KLHL4: variants seen among roughly 807,000 people sequenced by gnomAD.
The protein encoded by KLHL4 is kelch like family member 4.
Under a neutral mutation model 45.8 loss-of-function variants are expected in KLHL4, and 17 were observed. That is an observed-to-expected ratio of 0.37 (90% confidence interval 0.25 to 0.56). The LOEUF (loss-of-function observed/expected upper bound fraction) is 0.56. KLHL4 is among the 20% of genes least tolerant of loss of function. The pLI is 0.79. For synonymous variants in KLHL4, 224 were observed against 189.9 expected (o/e 1.18, Z -1.47); for missense variants, 544 against 544.9 (o/e 1.00, Z 0.02).
At chrX:87,588,324 C>A (rs1242533572) in intron 1 of KLHL4, among the ~76,000 whole-genome samples, 1 of 111,775 alleles carries the variant, frequency 8.9e-6, no homozygotes, top group Non-Finnish European at 1.9e-5. Context: ...CCACTACAGA[C>A]CCTGAATAGC....
At chrX:87,636,236 C>T (rs1483104525) in intron 9 of KLHL4, among the ~76,000 whole-genome samples, 1 of 111,811 alleles carries the variant, frequency 8.9e-6, no homozygotes, top group Non-Finnish European at 1.9e-5. Context: ...TAAATAGTCA[C>T]ACTATAAAAT....
At chrX:87,548,458 A>C (rs1202748932) in intron 1 of KLHL4, among the ~76,000 whole-genome samples, 1 of 111,905 alleles carries the variant, frequency 8.9e-6, no homozygotes, top group African/African-American at 3.2e-5. Context: ...TAGTAAGTAC[A>C]TAAAAAAACA....
At chrX:87,522,283 G>A (rs1329331521) in intron 1 of KLHL4, among the ~76,000 whole-genome samples, 2 of 111,711 alleles carry the variant, frequency 1.8e-5, no homozygotes, top group Non-Finnish European at 3.8e-5. Context: ...GGAGAAGCAC[G>A]CTCAACAGAG....
intron 1 of KLHL4, among the ~76,000 whole-genome samples, chrX:87,553,148 G>C (rs1389027077): frequency 1.8e-5 from 2 of 110,242 alleles, no homozygotes; most frequent in Non-Finnish European, 3.8e-5. Flanking sequence ...TATTCAGTTT[G>C]GGCTTTGATA....
chrX:87,584,794 G>A (rs1244694649), intron 1 of KLHL4, among the ~76,000 whole-genome samples: 1 of 106,851 alleles, frequency 9.4e-6, no homozygotes, highest in Non-Finnish European at 1.9e-5. Context: ...GATAGAAGTA[G>A]CAAGTTCATT....
chrX:87,631,964 G>A (rs757926021), intron 6 of KLHL4, among the ~76,000 whole-genome samples: 20 of 111,421 alleles, frequency 1.8e-4, no homozygotes, highest in Non-Finnish European at 3.6e-4. Flanking sequence ...GTGTTATAAG[G>A]GTATAAACCA....
intron 1 of KLHL4, among the ~76,000 whole-genome samples, chrX:87,579,104 G>A (rs1921189587): frequency 9.0e-6 from 1 of 111,094 alleles, no homozygotes; most frequent in Non-Finnish European, 1.9e-5. Flanking sequence ...ACTCAAAGAT[G>A]GTACAGTAAT....
At chrX:87,644,285 C>T (rs1157579756) in intron 9 of KLHL4, among the ~76,000 whole-genome samples, 1 of 111,332 alleles carries the variant, frequency 9.0e-6, no homozygotes, top group Non-Finnish European at 1.9e-5. Flanking sequence ...AAATCTAGAA[C>T]TCAACCCCTA....
At chrX:87,606,128 G>A (rs138990151) in intron 1 of KLHL4, among the ~76,000 whole-genome samples, 3,801 of 111,253 alleles carry the variant, frequency 0.034, 164 homozygotes, top group African/African-American at 0.12. Flanking sequence ...AATTTGGTTT[G>A]CTTGTATATT....
At position 87,667,436 on chromosome X, in the gene KLHL4, C is replaced by G. The variant is rs763938906; in HGVS notation, c.*902C>G. On this transcript the variant is annotated 3_prime_UTR_variant, in exon 11 of 11. Transcript: ENST00000373119. ...AAAAACAAAACAATTTTTAAAGTAC[C>G]TTAAAATTGAGGATGTTACTCAGTG... 4.9e-5 allele frequency: 34 copies of G among 693,584 alleles called. No individual in the cohort carries two copies. Among genetic ancestry groups the G allele is most frequent in the Non-Finnish European group, 5.8e-5 (34 of 586,067 alleles). 57.2% of individuals were successfully genotyped at this position (693,584 alleles called of 1,213,427 possible). A position where few individuals can be genotyped will look rare whatever the true frequency, so the allele number is the denominator to read the frequency against.
At chrX:87,651,884 G>T (rs904582910) in intron 9 of KLHL4, among the ~76,000 whole-genome samples, 19 of 112,489 alleles carry the variant, frequency 1.7e-4, no homozygotes, top group Non-Finnish European at 2.6e-4. Flanking sequence ...CTGTGTGGGG[G>T]CTCTGACCCC....
At chrX:87,519,259 T>A (rs1357867899) in intron 1 of KLHL4, among the ~76,000 whole-genome samples, 1 of 111,957 alleles carries the variant, frequency 8.9e-6, no homozygotes, top group African/African-American at 3.2e-5. Context: ...TTTTTATGCA[T>A]TTTAGATCAT....
intron 1 of KLHL4, among the ~76,000 whole-genome samples, chrX:87,530,875 A>G (rs1044792659): frequency 8.2e-5 from 9 of 109,815 alleles, no homozygotes; most frequent in Non-Finnish European, 1.1e-4. Flanking sequence ...GAACTAGTTT[A>G]CAGTCCCACC....
intron 6 of KLHL4, among the ~76,000 whole-genome samples, chrX:87,631,678 A>T (rs1923099739): frequency 8.9e-6 from 1 of 111,752 alleles, no homozygotes; most frequent in Non-Finnish European, 1.9e-5. Flanking sequence ...CACACAGCTA[A>T]AGGCCCGTTT....
intron 9 of KLHL4, among the ~76,000 whole-genome samples, chrX:87,645,370 G>C (rs747401049): frequency 1.8e-5 from 2 of 111,820 alleles, no homozygotes; most frequent in East Asian, 5.6e-4. Flanking sequence ...AGTCCTGCAA[G>C]AATGGTCATA....
At chrX:87,616,230 G>A (rs779679848) in intron 3 of KLHL4, among the ~76,000 whole-genome samples, 90 of 111,150 alleles carry the variant, frequency 8.1e-4, no homozygotes, top group Non-Finnish European at 1.4e-3. Context: ...ACATGAAATT[G>A]ATCTGCGTCT....
chrX:87,568,920 A>G (rs1932277330), intron 1 of KLHL4, among the ~76,000 whole-genome samples: 1 of 111,851 alleles, frequency 8.9e-6, no homozygotes, highest in Non-Finnish European at 1.9e-5. Flanking sequence ...TGGATTTCAC[A>G]TTTTTAAAAA....
chrX:87,520,996 T>A (rs1278974883), intron 1 of KLHL4, among the ~76,000 whole-genome samples: 3 of 111,983 alleles, frequency 2.7e-5, no homozygotes, highest in Non-Finnish European at 5.6e-5. Flanking sequence ...ATTTCCTCTT[T>A]GTGTTCGAAG....
intron 1 of KLHL4, among the ~76,000 whole-genome samples, chrX:87,529,935 T>C (rs1376502768): frequency 2.7e-5 from 3 of 111,840 alleles, no homozygotes; most frequent in Non-Finnish European, 5.6e-5. Context: ...GCAACTAGGA[T>C]ACTACATTAG....
Sources: allele counts gnomAD v4.1 joint callset (sites outside exome capture counted in the v4.1 genomes callset), GRCh38; gene constraint gnomAD v4.1.1; transcripts MANE v1.5; gene names NCBI Gene and HGNC (gene_info 2026-07-23, HGNC 2026-07-21).